The following CD109 variants were observed in gnomAD, a reference collection of about 807,000 sequenced individuals.
CD109 encodes CD109 molecule.
Under a neutral mutation model 165.8 loss-of-function variants are expected in CD109, and 149 were observed. The ratio of observed to expected loss-of-function variants is 0.90; its 90% confidence interval spans 0.79 to 1.03. The LOEUF is 1.03. Ranked by LOEUF, CD109 falls within the 50% of genes least tolerant of loss-of-function variation. The pLI, the probability that CD109 is intolerant of heterozygous loss-of-function variation, is 0.00. For missense variants in CD109, 1,712 were observed against 1,677.8 expected (o/e 1.02, Z -0.36); for synonymous variants, 585 against 592.1 (o/e 0.99, Z 0.18).
At chr6:73,794,007 G>A (rs6903575) in intron 23 of CD109, among the ~76,000 whole-genome samples, 80,750 of 151,596 alleles carry the variant, frequency 0.53, 21,849 homozygotes, top group African/African-American at 0.63. Flanking sequence ...TTCTCCATAG[G>A]AGAATTAGAA....
the CD109 span, among the ~76,000 whole-genome samples, chr6:73,680,404 G>A: frequency 2.0e-5 from 3 of 152,174 alleles, no homozygotes; most frequent in South Asian, 2.1e-4. Flanking sequence ...ATATTTAAGA[G>A]TGGGTGGAGA....
Position 73,753,286 on chromosome 6 carries a change from A to G in CD109, c.634-3357A>G, listed in dbSNP as rs551770414. ...TGCAGATCCCTGTTCTAGATTAATGAAAGTACTCAGTATCAGTGTTTTTGT... is the reference window on the plus strand; with the variant it reads ...TGCAGATCCCTGTTCTAGATTAATGGAAGTACTCAGTATCAGTGTTTTTGT... On this transcript the variant is annotated intron_variant, in intron 5 of 32. Transcript: ENST00000287097. Among the ~76,000 whole-genome samples the G allele has an allele frequency of 3.3e-5, 5 of 152,334 alleles. No homozygotes were observed. The South Asian group carries it at 1.0e-3, about 32-fold the overall frequency.
At chr6:73,749,234 T>C (rs1005889666) in intron 5 of CD109, among the ~76,000 whole-genome samples, 1 of 152,210 alleles carries the variant, frequency 6.6e-6, no homozygotes, top group Non-Finnish European at 1.5e-5. Flanking sequence ...AAGACCTGGG[T>C]ACTGTGCTCT....
At chr6:73,773,669 C>G (rs972680024) in intron 15 of CD109, among the ~76,000 whole-genome samples, 1 of 151,998 alleles carries the variant, frequency 6.6e-6, no homozygotes, top group Non-Finnish European at 1.5e-5. Context: ...TGCTCCTATT[C>G]CTTTTGGTCT....
At chr6:73,749,673 G>T (rs976216921) in intron 5 of CD109, among the ~76,000 whole-genome samples, 2 of 152,072 alleles carry the variant, frequency 1.3e-5, no homozygotes, top group Admixed American at 6.5e-5. Context: ...TGTGTGAATG[G>T]GTCTCTCAAA....
intron 2 of CD109, among the ~76,000 whole-genome samples, chr6:73,712,101 TG>T (rs1441514301): frequency 6.6e-6 from 1 of 152,120 alleles, no homozygotes; most frequent in Non-Finnish European, 1.5e-5. Context: ...TCCCAGCTAC[TG>T]GGGGGCTGAG....
Position 73,745,557 on chromosome 6 carries a change from C to T in CD109, c.633+9049C>T, listed in dbSNP as rs187280503. On this transcript the variant is annotated intron_variant, in intron 5 of 32. Coordinates refer to ENST00000287097, the MANE Select transcript of CD109 (RefSeq NM_133493.5). ...TGTTTGCACGTTGGATTGTTCCCAA[C>T]GTGTCCCAGATTCTGACCACAGCAG... 3.9e-5 allele frequency among the ~76,000 whole-genome samples: 6 copies of T among 152,250 alleles called. No homozygotes were observed. In the South Asian group the frequency reaches 6.2e-4, roughly 16 times the overall value.
At chr6:73,696,119 G>A, upstream of CD109, 1 of 1,198,554 alleles carries the variant, frequency 8.3e-7, no homozygotes, top group Non-Finnish European at 1.2e-6. Context: ...CTCGAATTAA[G>A]AGGGAAAAAA....
chr6:73,697,533 A>G lies in CD109; in HGVS notation c.208A>G (p.Thr70Ala), dbSNP rs1168034986. 7 of 1,614,122 alleles carry G rather than the reference A, an allele frequency of 4.3e-6. 1 individual carries two copies. The highest frequency in any genetic ancestry group is 3.3e-5 in the South Asian group (3 of 91,080). ...GCTGCTCAAGACAGCATCAAACCTC[A>G]CTGTCTCTGTCCTGGAAGCAGAAGG... is the stretch of plus-strand genomic sequence containing the variant. ...AELLKTASNLTVSVLEAEGVF... is the reference protein window; with the variant it reads ...AELLKTASNLAVSVLEAEGVF... The change falls in exon 2 of 33, where the codon ACT becomes GCT. Residue 70 changes from threonine to alanine, a missense_variant. Physicochemically the swap from Thr to Ala is moderately conservative, Grantham distance 58 (BLOSUM62 0). Transcript: ENST00000287097.
At chr6:73,742,479 T>C (rs1009171351) in intron 5 of CD109, among the ~76,000 whole-genome samples, 3 of 152,252 alleles carry the variant, frequency 2.0e-5, no homozygotes, top group Non-Finnish European at 2.9e-5. Flanking sequence ...AAAGAAAGGC[T>C]AATGTTGGTG....
chr6:73,791,546 C>T (rs934247782), intron 22 of CD109, among the ~76,000 whole-genome samples: 1 of 151,048 alleles, frequency 6.6e-6, no homozygotes, highest in African/African-American at 2.5e-5. Context: ...TACACAGGAA[C>T]GATTCTGTCT....
chr6:73,815,743 A>G (rs755913728), intron 30 of CD109, among the ~76,000 whole-genome samples: 6 of 152,188 alleles, frequency 3.9e-5, no homozygotes, highest in Non-Finnish European at 8.8e-5. Context: ...AACCCTACCG[A>G]CTTCACAGTA....
chr6:73,791,150 T>TACACACATACAC lies in CD109; in HGVS notation c.2702-1475_2702-1474insCACACATACACA, dbSNP rs1300981171. Among the ~76,000 whole-genome samples, 69 of 27,320 alleles carry TACACACATACAC rather than the reference T, an allele frequency of 2.5e-3. 5 individuals are homozygous for TACACACATACAC. Among genetic ancestry groups the TACACACATACAC allele is most frequent in the African/African-American group, 9.9e-3 (67 of 6,760 alleles). The allele number at this position is 27,320 out of a possible 152,430, so 17.9% of individuals were successfully genotyped here. Reference sequence around the variant, plus strand: ...ATACATACATACATATATATATATATATATATATATATATATATATATATA... The same window carrying TACACACATACAC: ...ATACATACATACATATATATATATATACACACATACACATATATATATATATATATATATATA... On this transcript the variant is annotated intron_variant, in intron 22 of 32. Coordinates refer to ENST00000287097, the MANE Select transcript of CD109 (RefSeq NM_133493.5).
intron 23 of CD109, among the ~76,000 whole-genome samples, chr6:73,797,435 A>C (rs934972228): frequency 6.6e-6 from 1 of 152,256 alleles, no homozygotes; most frequent in Non-Finnish European, 1.5e-5. Context: ...TAAGAGAAAG[A>C]AAGCTTCAGA....
the CD109 span, among the ~76,000 whole-genome samples, chr6:73,689,884 G>A: frequency 1.3e-5 from 2 of 152,134 alleles, no homozygotes; most frequent in African/African-American, 4.8e-5. Context: ...TTACAAATGT[G>A]AAAAACATAT....
intron 23 of CD109, among the ~76,000 whole-genome samples, chr6:73,795,875 A>G (rs1026013094): frequency 6.6e-6 from 1 of 152,178 alleles, no homozygotes; most frequent in Non-Finnish European, 1.5e-5. Context: ...GTCAGTGAGA[A>G]TAAAAGAACC....
At chr6:73,746,308 G>C (rs1367608967) in intron 5 of CD109, among the ~76,000 whole-genome samples, 1 of 152,166 alleles carries the variant, frequency 6.6e-6, no homozygotes, top group East Asian at 1.9e-4. Flanking sequence ...GAGGGGGAAG[G>C]GGGCACTGAA....
intron 2 of CD109, among the ~76,000 whole-genome samples, chr6:73,704,013 C>T (rs182178185): frequency 3.9e-5 from 6 of 151,968 alleles, no homozygotes; most frequent in East Asian, 1.9e-4. Flanking sequence ...GGTGAAACCC[C>T]GTCTCTACCA....
In CD109 at chr6:73,818,508, T is replaced by C; in HGVS notation, c.4032T>C (p.His1344=). The change falls in exon 31 of 33, where the codon CAT becomes CAC. Residue 1344 remains histidine, a synonymous_variant. Coordinates refer to ENST00000287097, the MANE Select transcript of CD109 (RefSeq NM_133493.5). ...SETVKKVEYD[H]GKLNLYLDSV... ...CAGTGAAGAAAGTGGAATATGATCA[T>C]GGAAAACTCAACCTCTATTTAGATT... 1 of 1,613,176 alleles carries C rather than the reference T, an allele frequency of 6.2e-7. No homozygotes were observed. The highest frequency in any genetic ancestry group is 8.5e-7 in the Non-Finnish European group (1 of 1,179,786).
Sources: allele counts gnomAD v4.1 joint callset (sites outside exome capture counted in the v4.1 genomes callset), GRCh38; gene constraint gnomAD v4.1.1; transcripts MANE v1.5; gene names NCBI Gene and HGNC (gene_info 2026-07-23, HGNC 2026-07-21).